The following TAF3 variants were observed in gnomAD, a reference collection of about 807,000 sequenced individuals.
The protein encoded by TAF3 is TATA-box binding protein associated factor 3.
A neutral mutation model predicts 80.6 loss-of-function variants in TAF3; 7 were observed. That is an observed-to-expected ratio of 0.09 (90% CI 0.05 to 0.16). TAF3 has a LOEUF of 0.16. TAF3 is among the 10% of genes least tolerant of loss of function. The pLI is 1.00. For synonymous variants in TAF3, 444 were observed against 446.1 expected, an observed-to-expected ratio of 1.00 and a Z score of 0.06; for missense variants, 921 against 1,140.2, an observed-to-expected ratio of 0.81 and a Z score of 2.77.
chr10:7,928,967 C>A (rs1021707021), intron 2 of TAF3, among the ~76,000 whole-genome samples: 2 of 152,084 alleles, frequency 1.3e-5, no homozygotes, highest in Non-Finnish European at 2.9e-5. Context: ...GCATTTGCCC[C>A]TACTGTTAGA....
chr10:7,828,110 A>G (rs1018287133), intron 2 of TAF3, among the ~76,000 whole-genome samples: 4 of 152,182 alleles, frequency 2.6e-5, no homozygotes, highest in Non-Finnish European at 4.4e-5. Context: ...TGGCACACCC[A>G]TAGTCCTAGC....
At chr10:7,948,713 A>G (rs1258373459) in intron 2 of TAF3, among the ~76,000 whole-genome samples, 2 of 152,218 alleles carry the variant, frequency 1.3e-5, no homozygotes, top group Non-Finnish European at 2.9e-5. Context: ...GGATAGATAC[A>G]TAACAACCAA....
intron 3 of TAF3, among the ~76,000 whole-genome samples, chr10:7,975,260 T>C (rs1265053869): frequency 1.3e-5 from 2 of 152,248 alleles, no homozygotes; most frequent in African/African-American, 4.8e-5. Flanking sequence ...ACTGGTGGCC[T>C]CACCGGTATT....
chr10:7,935,869 A>G (rs188063747), intron 2 of TAF3, among the ~76,000 whole-genome samples: 1 of 152,270 alleles, frequency 6.6e-6, no homozygotes, highest in Non-Finnish European at 1.5e-5. Context: ...CCTAGTACAG[A>G]GGGTGTTTAT....
Position 8,004,330 on chromosome 10 carries a change from G to A in TAF3, c.2316-4748G>A, listed in dbSNP as rs530062440. 3.2e-3 allele frequency among the ~76,000 whole-genome samples: 492 copies of A among 152,300 alleles called. 2 individuals are homozygous for A. Among genetic ancestry groups the A allele is most frequent in the Middle Eastern group, 6.8e-3 (2 of 294 alleles). ...CCCAAAGTGCTGGGATTACGGGCATGAGCCAATGTGCCTGGTCCAGTTTTA... is the reference window on the plus strand; with the variant it reads ...CCCAAAGTGCTGGGATTACGGGCATAAGCCAATGTGCCTGGTCCAGTTTTA... On this transcript the variant is annotated intron_variant, in intron 4 of 6. Transcript: ENST00000344293.
At chr10:7,986,374 C>T (rs893735387) in intron 4 of TAF3, among the ~76,000 whole-genome samples, 2 of 152,132 alleles carry the variant, frequency 1.3e-5, no homozygotes, top group Non-Finnish European at 2.9e-5. Context: ...ATTATTTCCG[C>T]CAGTGTGGTT....
intron 2 of TAF3, among the ~76,000 whole-genome samples, chr10:7,865,947 A>G (rs1369636890): frequency 6.6e-6 from 1 of 152,214 alleles, no homozygotes; most frequent in Non-Finnish European, 1.5e-5. Flanking sequence ...CATCGTGTGT[A>G]ACAGACTGGA....
chr10:7,819,188 G>T (rs1345220518), intron 1 of TAF3, among the ~76,000 whole-genome samples: 2 of 151,922 alleles, frequency 1.3e-5, no homozygotes, highest in Admixed American at 1.3e-4. Context: ...CCTGTTTGCT[G>T]CGGGTAGATC....
chr10:7,967,190 G>T (rs7078878), intron 3 of TAF3, among the ~76,000 whole-genome samples: 86,388 of 151,950 alleles, frequency 0.57, 25,612 homozygotes, highest in East Asian at 0.71. Flanking sequence ...CGTGGTGAGG[G>T]GTTTGTTGTT....
At chr10:7,955,822 G>A (rs1350341377) in intron 2 of TAF3, among the ~76,000 whole-genome samples, 1 of 152,140 alleles carries the variant, frequency 6.6e-6, no homozygotes, top group Non-Finnish European at 1.5e-5. Context: ...GAGAATGTAG[G>A]GAGTGTGGAT....
intron 2 of TAF3, among the ~76,000 whole-genome samples, chr10:7,902,533 G>A (rs868051949): frequency 4.6e-5 from 7 of 152,278 alleles, no homozygotes; most frequent in East Asian, 1.9e-4. Flanking sequence ...GGGGAAAAAC[G>A]TTTCTCAGGG....
At position 7,950,271 on chromosome 10, in the gene TAF3, A is replaced by G. The variant is rs116447385; in HGVS notation, c.410-13649A>G. Among the ~76,000 whole-genome samples, 647 of 152,334 alleles carry G rather than the reference A, an allele frequency of 4.2e-3. 7 individuals are homozygous for G. The highest frequency in any genetic ancestry group is 0.015 in the African/African-American group (608 of 41,578). On this transcript the variant is annotated intron_variant, in intron 2 of 6. Coordinates refer to ENST00000344293, the MANE Select transcript of TAF3 (RefSeq NM_031923.4). The stretch of plus-strand genomic sequence containing the variant: ...TTGAGACTTAAAGGGAGAGAGATAG[A>G]GAAATATAGAACGACCCAGGGAAGA...
chr10:7,838,908 G>GTTTTTTTTTTTTTTTT (rs71505463), intron 2 of TAF3, among the ~76,000 whole-genome samples: 28 of 101,836 alleles, frequency 2.7e-4, no homozygotes, highest in East Asian at 8.4e-4. Flanking sequence ...GGCATTGCTT[G>GTTTTTTTTTTTTTTTT]TTTTTTTTTT....
At chr10:7,946,355 T>C (rs1838024629) in intron 2 of TAF3, among the ~76,000 whole-genome samples, 1 of 152,198 alleles carries the variant, frequency 6.6e-6, no homozygotes, top group Admixed American at 6.5e-5. Flanking sequence ...CCCTGGCTTG[T>C]CTCTGACTGG....
At chr10:7,866,695 AG>A (rs1202233645) in intron 2 of TAF3, among the ~76,000 whole-genome samples, 1 of 152,184 alleles carries the variant, frequency 6.6e-6, no homozygotes, top group Non-Finnish European at 1.5e-5. Flanking sequence ...TTAAGTTATT[AG>A]AAAGGAGAGC....
rs528559620 is a variant in TAF3, at chr10:7,836,243, G to A, written c.409+11683G>A. On this transcript the variant is annotated intron_variant, in intron 2 of 6. Transcript: ENST00000344293. ...ACTGTCCCTCTACATCCACCTCTCA[G>A]ACCCTGCAACCAGTTGCAGTTGGCC... Among the ~76,000 whole-genome samples, 183 of 151,224 alleles carry A rather than the reference G, an allele frequency of 1.2e-3. 1 individual carries two copies. Among genetic ancestry groups the A allele is most frequent in the Non-Finnish European group, 9.6e-4 (65 of 67,946 alleles).
intron 2 of TAF3, among the ~76,000 whole-genome samples, chr10:7,869,745 C>CCT (rs1179542590): frequency 6.6e-6 from 1 of 152,218 alleles, no homozygotes; most frequent in East Asian, 1.9e-4. Flanking sequence ...GCACGGACTG[C>CCT]CTCCTTCCCT....
rs192657462 is a variant in TAF3 at position 7,979,161 on chromosome 10, G to A, written c.2315+1838G>A. Among the ~76,000 whole-genome samples, 33 of 152,024 alleles carry A rather than the reference G, an allele frequency of 2.2e-4. 1 individual carries two copies. Among genetic ancestry groups the A allele is most frequent in the African/African-American group, 8.0e-4 (33 of 41,462 alleles). On this transcript the variant is annotated intron_variant, in intron 4 of 6. Transcript: ENST00000344293. ...AGATCGAGACCATCCTGTCTAACAC[G>A]GTGAAACCCCTTCTCTACTAAAAAT...
chr10:7,887,334 G>C (rs1454682839), intron 2 of TAF3, among the ~76,000 whole-genome samples: 1 of 152,136 alleles, frequency 6.6e-6, no homozygotes, highest in Non-Finnish European at 1.5e-5. Flanking sequence ...GGGTTGTTGT[G>C]TACAATCGTT....
Sources: allele counts gnomAD v4.1 joint callset (sites outside exome capture counted in the v4.1 genomes callset), GRCh38; gene constraint gnomAD v4.1.1; transcripts MANE v1.5; gene names NCBI Gene and HGNC (gene_info 2026-07-23, HGNC 2026-07-21).